The following GRM4 variants were observed in gnomAD, a reference collection of about 807,000 sequenced individuals.
The protein encoded by GRM4 is glutamate metabotropic receptor 4.
GRM4 carries 28 observed loss-of-function variants against 81.7 expected under a neutral mutation model. The observed-to-expected ratio is 0.34, with a 90% confidence interval of 0.25 to 0.47. The LOEUF (loss-of-function observed/expected upper bound fraction) is 0.47, where lower values mean the gene tolerates loss of function less well. Among genes scored for constraint, GRM4 ranks in the 20% least tolerant of loss-of-function variants. GRM4 has a pLI of 1.00. For missense variants in GRM4, 948 were observed against 1,290.0 expected (o/e 0.73, Z 4.06); for synonymous variants, 488 against 528.8 (o/e 0.92, Z 1.06).
At chr6:34,066,597 T>C (rs980472361) in intron 3 of GRM4, among the ~76,000 whole-genome samples, 3 of 151,932 alleles carry the variant, frequency 2.0e-5, no homozygotes, top group Non-Finnish European at 4.4e-5. Context: ...GCCTGGCCCA[T>C]AGTAGGTGCT....
At chr6:34,054,552 A>G (rs1765773130) in intron 6 of GRM4, 1 of 152,256 alleles carries the variant, frequency 6.6e-6, no homozygotes, top group Non-Finnish European at 1.5e-5. Context: ...GGACTGCTGG[A>G]GAGTTTCTTG....
upstream of GRM4, chr6:34,146,278 A>C: frequency 8.5e-5 from 28 of 328,216 alleles, no homozygotes; most frequent in South Asian, 1.2e-4. Context: ...CCCAGATCTC[A>C]CAGCCTGTCC....
chr6:34,105,327 C>A (rs1156301150), intron 2 of GRM4, among the ~76,000 whole-genome samples: 1 of 152,046 alleles, frequency 6.6e-6, no homozygotes, highest in Non-Finnish European at 1.5e-5. Flanking sequence ...CAAAAACCAG[C>A]TTGGAAGGAA....
chr6:34,044,397 T>C lies in GRM4; in HGVS notation c.1169-3649A>G, dbSNP rs180847903. Among the ~76,000 whole-genome samples, 482 of 143,574 alleles carry C rather than the reference T, an allele frequency of 3.4e-3. 1 individual carries two copies. Among genetic ancestry groups the C allele is most frequent in the African/African-American group, 0.012 (456 of 38,436 alleles). 94.2% of individuals were successfully genotyped at this position (143,574 alleles called of 152,430 possible). A position where few individuals can be genotyped will look rare whatever the true frequency, so the allele number is the denominator to read the frequency against. The stretch of plus-strand genomic sequence containing the variant: ...ATACACACACATAGACATACATACA[T>C]ACACATATATACACAGACACACACA... On this transcript the variant is annotated intron_variant, in intron 6 of 10. Coordinates refer to ENST00000538487, the MANE Select transcript of GRM4 (RefSeq NM_000841.4).
chr6:34,146,870 C>T (rs1770946327), upstream of GRM4, among the ~76,000 whole-genome samples: 2 of 152,184 alleles, frequency 1.3e-5, no homozygotes, highest in South Asian at 2.1e-4. Flanking sequence ...CAGGGACAGA[C>T]CCCCATCCCT....
At chr6:34,125,809 G>A (rs1023072175) in intron 2 of GRM4, among the ~76,000 whole-genome samples, 12 of 152,336 alleles carry the variant, frequency 7.9e-5, no homozygotes, top group East Asian at 1.9e-4. Flanking sequence ...GTGGGGGTTT[G>A]GGGGAAAGAG....
chr6:34,101,482 T>C (rs190722399), intron 2 of GRM4, among the ~76,000 whole-genome samples: 15 of 151,820 alleles, frequency 9.9e-5, no homozygotes, highest in African/African-American at 3.6e-4. Context: ...CATATGCATT[T>C]ACACACACAC....
At chr6:34,051,041 C>A (rs1376654697) in intron 6 of GRM4, among the ~76,000 whole-genome samples, 2 of 152,228 alleles carry the variant, frequency 1.3e-5, no homozygotes, top group Non-Finnish European at 2.9e-5. Flanking sequence ...AAGGGTGCTT[C>A]CAAATGTTGG....
chr6:34,091,013 A>AGAGCCCCC (rs1187330622), intron 3 of GRM4, among the ~76,000 whole-genome samples: 10 of 152,042 alleles, frequency 6.6e-5, no homozygotes, highest in African/African-American at 2.4e-4. Context: ...CTTCAGCCCC[A>AGAGCCCCC]CAGCCCCCCA....
At chr6:34,145,513 G>A (rs996905671) in intron 1 of GRM4, among the ~76,000 whole-genome samples, 1 of 152,214 alleles carries the variant, frequency 6.6e-6, no homozygotes, top group Non-Finnish European at 1.5e-5. Flanking sequence ...GCCGAGGTAC[G>A]GGCGCCTGGC....
intron 2 of GRM4, chr6:34,110,615 C>G: frequency 1.2e-6 from 1 of 833,304 alleles, no homozygotes; most frequent in African/African-American, 1.7e-5. Flanking sequence ...TCAGCCACAG[C>G]AGCCCTGCTC....
chr6:34,154,322 G>A (rs989110678), intron 1 of GRM4, among the ~76,000 whole-genome samples: 14 of 152,046 alleles, frequency 9.2e-5, no homozygotes, highest in African/African-American at 1.9e-4. Context: ...GGGCCCTCTC[G>A]TTCTCACCTC....
intron 2 of GRM4, among the ~76,000 whole-genome samples, chr6:34,122,859 C>T (rs1463508476): frequency 1.3e-5 from 2 of 152,182 alleles, no homozygotes; most frequent in African/African-American, 2.4e-5. Context: ...ACACGATTCC[C>T]GCAAGAGCCC....
intron 6 of GRM4, among the ~76,000 whole-genome samples, chr6:34,044,212 A>G (rs1294469554): frequency 1.6e-5 from 2 of 128,600 alleles, no homozygotes; most frequent in South Asian, 2.4e-4. Flanking sequence ...ATATATACAT[A>G]CATACACATA....
intron 2 of GRM4, among the ~76,000 whole-genome samples, chr6:34,093,757 C>T (rs533690990): frequency 3.2e-4 from 48 of 152,330 alleles, no homozygotes; most frequent in Middle Eastern, 3.4e-3. Context: ...AAAAGCATGG[C>T]CCAGCTCGGC....
At chr6:34,058,683 C>A (rs1766023898) in intron 5 of GRM4, among the ~76,000 whole-genome samples, 1 of 152,176 alleles carries the variant, frequency 6.6e-6, no homozygotes, top group Non-Finnish European at 1.5e-5. Flanking sequence ...GTAGCCCCGG[C>A]AGGGCGGCTC....
chr6:34,100,604 T>A (rs551369863), intron 2 of GRM4, among the ~76,000 whole-genome samples: 1 of 152,350 alleles, frequency 6.6e-6, no homozygotes, highest in African/African-American at 2.4e-5. Flanking sequence ...CACTGAGTGC[T>A]CTGCATGATC....
Position 34,036,832 on chromosome 6 carries a change from C to T in GRM4, c.1507-229G>A, listed in dbSNP as rs1211679852. Among the ~76,000 whole-genome samples, 1 of 152,170 alleles carries T rather than the reference C, an allele frequency of 6.6e-6. No individual in the cohort carries two copies. Among genetic ancestry groups the T allele is most frequent in the Admixed American group, 6.5e-5 (1 of 15,276 alleles). On this transcript the variant is annotated intron_variant, in intron 8 of 10. Transcript: ENST00000538487. The surrounding 1 kb of genome is among the most constrained non-coding windows in gnomAD (Gnocchi z 9.0). ...TGACCTACAGGGAATCCTGACTGAA[C>T]CCGAAACTCTCAAGACTCATATGAA...
chr6:34,059,239 C>A lies in GRM4; in HGVS notation c.873-111G>T, dbSNP rs1048644704. The A allele has an allele frequency of 8.7e-6, 8 of 919,536 alleles. No homozygotes were observed. The highest frequency in any genetic ancestry group is 1.2e-5 in the Non-Finnish European group (7 of 591,294). 57.0% of individuals were successfully genotyped at this position (919,536 alleles called of 1,614,324 possible). On this transcript the variant is annotated intron_variant, in intron 4 of 10. Transcript: ENST00000538487. The surrounding 1 kb of genome is among the most constrained non-coding windows in gnomAD (Gnocchi z 5.7). ...TCCCTCACCCCCAGAAGCCCAGGGT[C>A]CACAACTGTCCCAGCACCGATGCTT...
Sources: allele counts gnomAD v4.1 joint callset (sites outside exome capture counted in the v4.1 genomes callset), GRCh38; gene constraint gnomAD v4.1.1; non-coding constraint Gnocchi (gnomAD v3.1); transcripts MANE v1.5; gene names NCBI Gene and HGNC (gene_info 2026-07-23, HGNC 2026-07-21).